Variants in DNAH6 observed in about 807,000 individuals in gnomAD.
DNAH6 encodes dynein axonemal heavy chain 6, also known as axonemal beta dynein heavy chain 6.
DNAH6 carries 340 observed loss-of-function variants against 491.4 expected under a neutral mutation model. That is an observed-to-expected ratio of 0.69 (90% confidence interval 0.63 to 0.76). DNAH6 has a LOEUF of 0.76. Ranked by LOEUF, DNAH6 falls within the 30% of genes least tolerant of loss-of-function variation. The pLI is 0.00. For synonymous variants in DNAH6, 1,603 were observed against 1,686.1 expected, an observed-to-expected ratio of 0.95 and a Z score of 1.21; for missense variants, 4,443 against 4,972.2, an observed-to-expected ratio of 0.89 and a Z score of 3.20.
chr2:84,710,404 C>A lies in DNAH6; in HGVS notation c.9370C>A (p.Leu3124Met). ...NSIRLGLPVL[L>M]EELKETLDPA... ...AATCCGACTTGGTTTACCTGTCTTA[C>A]TGGAAGAGGTTTGATTTTCACTTCC... is the stretch of plus-strand genomic sequence containing the variant. The change falls in exon 56 of 77, where the codon CTG becomes ATG. Residue 3124 changes from leucine (L) to methionine (M), a missense_variant. This residue lies in a region of DNAH6 where 1,463 missense variants were observed against 1,656.6 expected (regional missense o/e 0.88). Coordinates refer to ENST00000389394, the MANE Select transcript of DNAH6 (RefSeq NM_001370.2). 4 of 1,551,756 alleles carry A rather than the reference C, an allele frequency of 2.6e-6. No individual in the cohort carries two copies. The highest frequency in any genetic ancestry group is 3.5e-6 in the Non-Finnish European group (4 of 1,146,942).
rs746232992 is a variant in DNAH6 at position 84,553,017 on chromosome 2, T to C, written c.1585T>C (p.Ser529Pro). The change falls in exon 10 of 77, where the codon TCT becomes CCT. Residue 529 changes from serine (S) to proline (P), a missense_variant. By Grantham distance (74) the Ser-to-Pro change is moderately conservative (BLOSUM62 -1). Transcript: ENST00000389394. ...LTVQSLLFEP[S>P]LEDFLDGILG... is the part of the protein sequence containing the mutation. ...AGTCCAGTCACTGCTCTTTGAGCCT[T>C]CTCTGGAAGACTTTCTGGTGTGTGT... 1.3e-6 allele frequency: 2 copies of C among 1,599,812 alleles called. No individual in the cohort carries two copies. Among genetic ancestry groups the C allele is most frequent in the South Asian group, 1.1e-5 (1 of 89,058 alleles).
chr2:84,658,551 C>T, intron 36 of DNAH6, 77 bp downstream of exon 36: 1 of 1,040,264 alleles, frequency 9.6e-7, no homozygotes, highest in Non-Finnish European at 1.3e-6. Context: ...GAAATGACTC[C>T]ATTCTAAAAT....
At chr2:84,784,988 A>G (rs893664469) in intron 66 of DNAH6, among the ~76,000 whole-genome samples, 178 bp downstream of exon 66, 7 of 152,154 alleles carry the variant, frequency 4.6e-5, no homozygotes, top group African/African-American at 1.7e-4. Context: ...TCCCAACCCC[A>G]TCCTTGCATA....
At chr2:84,547,212 A>G (rs758836169) in intron 5 of DNAH6, 56 bp from the exon 6 acceptor site, 19 of 1,404,540 alleles carry the variant, frequency 1.4e-5, no homozygotes, top group Non-Finnish European at 1.8e-5. Flanking sequence ...TGAATGTTCT[A>G]TACTTTTAAA....
upstream of DNAH6, among the ~76,000 whole-genome samples, chr2:84,514,878 C>CACACACACAT (rs1675486252): frequency 6.6e-6 from 1 of 151,532 alleles, no homozygotes; most frequent in Non-Finnish European, 1.5e-5. Flanking sequence ...CACACACACA[C>CACACACACAT]ACACACACAC....
rs1021498673 is a variant in DNAH6, at chr2:84,671,848, T to C, written c.6455-479T>C. On this transcript the variant is annotated intron_variant, in intron 39 of 76. Coordinates refer to ENST00000389394, the MANE Select transcript of DNAH6 (RefSeq NM_001370.2). ...TAAATGTGGCATTGTGCAGCCCCAC[T>C]GCACTGGATTTCCCTTTGATGTGAT... Among the ~76,000 whole-genome samples the C allele has an allele frequency of 3.9e-5, 6 of 152,250 alleles. No homozygotes were observed. The East Asian group carries it at 1.2e-3, about 29-fold the overall frequency.
intron 22 of DNAH6, among the ~76,000 whole-genome samples, chr2:84,614,010 T>TTTTA (rs57645053): frequency 0.05 from 7,551 of 151,334 alleles, 290 homozygotes; most frequent in Middle Eastern, 0.11. Context: ...TGCCATTCCA[T>TTTTA]TTTATTTATT....
chr2:84,773,075 A>G (rs944346893), intron 64 of DNAH6, among the ~76,000 whole-genome samples: 2 of 152,098 alleles, frequency 1.3e-5, no homozygotes, highest in Non-Finnish European at 2.9e-5. Context: ...TACTTTATTC[A>G]TTTTTTTAAA....
rs181407692 is a variant in DNAH6 at position 84,689,258 on chromosome 2, C to T, written c.7292+665C>T. ...CCATGATATGGAGCATCTCATTTACCTGGTACAACAATCTCTCTATAGCTC... is the reference window on the plus strand; with the variant it reads ...CCATGATATGGAGCATCTCATTTACTTGGTACAACAATCTCTCTATAGCTC... On this transcript the variant is annotated intron_variant, in intron 45 of 76. Coordinates refer to ENST00000389394, the MANE Select transcript of DNAH6 (RefSeq NM_001370.2). Among the ~76,000 whole-genome samples, 90 of 152,306 alleles carry T rather than the reference C, an allele frequency of 5.9e-4. 1 individual carries two copies. Among genetic ancestry groups the T allele is most frequent in the African/African-American group, 2.1e-3 (87 of 41,572 alleles).
intron 33 of DNAH6, among the ~76,000 whole-genome samples, chr2:84,642,819 A>C (rs548279544): frequency 1.3e-5 from 2 of 152,310 alleles, no homozygotes; most frequent in African/African-American, 4.8e-5. Flanking sequence ...ATATGAGCAC[A>C]CATAAGCACA....
intron 66 of DNAH6, among the ~76,000 whole-genome samples, chr2:84,785,349 G>A (rs1389246639): frequency 2.0e-5 from 3 of 152,174 alleles, no homozygotes; most frequent in Non-Finnish European, 4.4e-5. Flanking sequence ...AGAAAAAATG[G>A]ACACTAAATG....
intron 33 of DNAH6, 99 bp from the exon 34 acceptor site, chr2:84,653,220 G>C: frequency 9.7e-7 from 1 of 1,033,020 alleles, no homozygotes. Flanking sequence ...AAAGATCAAT[G>C]AGAAACAATA....
At chr2:84,720,321 C>G (rs1384106329) in intron 59 of DNAH6, among the ~76,000 whole-genome samples, 2 of 128,394 alleles carry the variant, frequency 1.6e-5, no homozygotes, top group Non-Finnish European at 3.2e-5. Context: ...CTCTGTCGCC[C>G]AGGCTGGAGT....
chr2:84,642,010 C>T lies in DNAH6; in HGVS notation c.5034C>T (p.Asp1678=), dbSNP rs1273795163. Residue 1678 remains aspartate, a synonymous_variant, in exon 33 of 77, where the codon GAC becomes GAT. Coordinates refer to ENST00000389394, the MANE Select transcript of DNAH6 (RefSeq NM_001370.2). ...EDVVLIRALQ[D]SNLPKFLTDD... ...TGGTGTTGATAAGAGCTTTACAAGA[C>T]TCCAATTTGCCAAAATTTCTAACAG... The T allele has an allele frequency of 2.6e-6, 4 of 1,550,898 alleles. No individual in the cohort carries two copies. In the Admixed American group the frequency reaches 7.9e-5, roughly 30 times the overall value.
chr2:84,695,105 G>C (rs796613534), intron 46 of DNAH6, among the ~76,000 whole-genome samples: 9 of 152,182 alleles, frequency 5.9e-5, no homozygotes, highest in African/African-American at 2.2e-4. Context: ...AATATTTTTA[G>C]TATCTATGAC....
the DNAH6 span, among the ~76,000 whole-genome samples, chr2:84,461,880 A>G: frequency 2.0e-5 from 3 of 152,182 alleles, no homozygotes; most frequent in East Asian, 1.9e-4. Flanking sequence ...CTGAAGTTTG[A>G]TAGGAAGTGG....
chr2:84,566,857 T>C (rs898799137), intron 11 of DNAH6, among the ~76,000 whole-genome samples: 4 of 152,048 alleles, frequency 2.6e-5, no homozygotes, highest in Non-Finnish European at 5.9e-5. Context: ...ATAAAATATA[T>C]AGTATCTCAA....
chr2:84,503,372 A>G, the DNAH6 span, among the ~76,000 whole-genome samples: 2 of 152,016 alleles, frequency 1.3e-5, no homozygotes, highest in East Asian at 1.9e-4. Flanking sequence ...TGCAGTTACT[A>G]TTTTTGTTAT....
intron 63 of DNAH6, among the ~76,000 whole-genome samples, chr2:84,757,629 G>A (rs558712020): frequency 6.6e-6 from 1 of 152,198 alleles, no homozygotes; most frequent in Non-Finnish European, 1.5e-5. Flanking sequence ...TAAGATAGGA[G>A]TTACTATGTT....
Sources: gnomAD v4.1 joint callset for allele counts (sites outside exome capture counted in the v4.1 genomes callset) on GRCh38, gnomAD v4.1.1 for gene constraint, gnomAD v4.1.1 regional missense constraint, MANE v1.5 for transcripts, NCBI Gene and HGNC (gene_info 2026-07-23, HGNC 2026-07-21) for gene names.